CARMIL2: variants seen among roughly 807,000 people sequenced by gnomAD.
CARMIL2 encodes capping protein regulator and myosin 1 linker 2.
A neutral mutation model predicts 173.3 loss-of-function variants in CARMIL2; 96 were observed. That is an observed-to-expected ratio of 0.55 (90% CI 0.47 to 0.66). The LOEUF (loss-of-function observed/expected upper bound fraction) is 0.66, where lower values mean the gene tolerates loss of function less well. CARMIL2 is among the 30% of genes least tolerant of loss of function. The pLI is 0.00. For missense variants in CARMIL2, 1,771 were observed against 1,906.7 expected, an observed-to-expected ratio of 0.93 and a Z score of 1.33; for synonymous variants, 830 against 817.1, an observed-to-expected ratio of 1.02 and a Z score of -0.27.
chr16:67,645,802 C>A, intron 3 of CARMIL2, 25 bp downstream of exon 3: 2 of 1,609,496 alleles, frequency 1.2e-6, no homozygotes, highest in Non-Finnish European at 1.7e-6. Flanking sequence ...CTGGCCACAC[C>A]CCCGCCCGCC....
chr16:67,646,463 G>A lies in CARMIL2; in HGVS notation c.412G>A (p.Ala138Thr). 3.1e-6 allele frequency: 5 copies of A among 1,613,630 alleles called. 1 individual carries two copies. In the East Asian group the frequency reaches 1.1e-4, roughly 36 times the overall value. The change falls in exon 6 of 38, where the codon GCT becomes ACT. Residue 138 changes from alanine (A) to threonine (T), a missense_variant. Coordinates refer to ENST00000334583, the MANE Select transcript of CARMIL2 (RefSeq NM_001013838.3). This position sits in a 1 kb window ranked among gnomAD's most constrained non-coding sequence, Gnocchi z 4.6. ...FRRPTPASML[A>T]RLERSSPSES... is the part of the protein sequence containing the mutation. ...GAGGCCCACACCAGCCTCCATGCTGGCTCGGCTGGAGAGAAGCAGCCCCTC... is the reference window on the plus strand; with the variant it reads ...GAGGCCCACACCAGCCTCCATGCTGACTCGGCTGGAGAGAAGCAGCCCCTC...
At position 67,646,665 on chromosome 16, in the gene CARMIL2, A is replaced by G. The variant is rs770699321; in HGVS notation, c.467-49A>G. The G allele has an allele frequency of 1.9e-6, 3 of 1,599,192 alleles. No individual in the cohort carries two copies. The highest frequency in any genetic ancestry group is 1.3e-5 in the African/African-American group (1 of 74,558). On this transcript the variant is annotated intron_variant, in intron 6 of 37. Transcript: ENST00000334583. This position sits in a 1 kb window ranked among gnomAD's most constrained non-coding sequence, Gnocchi z 4.6. ...TGGGTCTGGTCTTCCTCCATCGCTGATGTTTTGTCTCTCTCCTTTTCCACA... is the reference window on the plus strand; with the variant it reads ...TGGGTCTGGTCTTCCTCCATCGCTGGTGTTTTGTCTCTCTCCTTTTCCACA...
In CARMIL2 at chr16:67,647,000, G is replaced by T. The variant is rs753495789; in HGVS notation, c.611+27G>T. The stretch of plus-strand genomic sequence containing the variant: ...TGTGTGGCCTGCCAGGATGGGAGAG[G>T]AGGAAGATCCCGGGGCCCATATCCC... On this transcript the variant is annotated intron_variant, in intron 8 of 37. Transcript: ENST00000334583. This position sits in a 1 kb window ranked among gnomAD's most constrained non-coding sequence, Gnocchi z 4.6. The T allele has an allele frequency of 6.2e-7, 1 of 1,611,226 alleles. No homozygotes were observed.
chr16:67,650,401 T>G (rs1038057725), intron 22 of CARMIL2: 9 of 551,730 alleles, frequency 1.6e-5, no homozygotes, highest in African/African-American at 1.3e-4. Context: ...TTTTATGTCC[T>G]TCCTCAATTT....
intron 1 of CARMIL2, 31 bp from the exon 2 acceptor site, chr16:67,645,509 T>C: frequency 6.5e-7 from 1 of 1,548,176 alleles, no homozygotes; most frequent in Non-Finnish European, 8.8e-7. Context: ...GTGCAAGGAC[T>C]GAAGTCACCC....
rs1453275313 is a variant in CARMIL2 at position 67,648,686 on chromosome 16, G to T, written c.1441G>T (p.Ala481Ser). Residue 481 changes from alanine (A) to serine (S), a missense_variant and splice_region_variant, in exon 16 of 38, where the codon GCC becomes TCC. Around this residue, in one of 3 missense-constraint regions of CARMIL2, gnomAD observed 944 missense variants for 975.6 expected, o/e 0.97. Coordinates refer to ENST00000334583, the MANE Select transcript of CARMIL2 (RefSeq NM_001013838.3). The surrounding 1 kb of genome is among the most constrained non-coding windows in gnomAD (Gnocchi z 6.1). ...GCKLPPDALR[A>S]LLDGLALNTH... is the part of the protein sequence containing the mutation. ...ACCCCGTGTAACGTCCTCTCCCAGA[G>T]CCCTTTTGGATGGCCTCGCGCTCAA... 7 of 1,605,382 alleles carry T rather than the reference G, an allele frequency of 4.4e-6. No homozygotes were observed. The highest frequency in any genetic ancestry group is 5.1e-6 in the Non-Finnish European group (6 of 1,176,388).
rs867222258 is a variant in CARMIL2, at chr16:67,646,409, C to A, written c.375-17C>A. ...GGCTGGAAGTCCTTTGCCCCCTTCT[C>A]CTTAACCCCCTACCAGGAAGCTATT... On this transcript the variant is annotated splice_polypyrimidine_tract_variant and intron_variant, in intron 5 of 37. Coordinates refer to ENST00000334583, the MANE Select transcript of CARMIL2 (RefSeq NM_001013838.3). This position sits in a 1 kb window ranked among gnomAD's most constrained non-coding sequence, Gnocchi z 4.6. 2.5e-6 allele frequency: 4 copies of A among 1,612,294 alleles called. 1 individual carries two copies. The Middle Eastern group carries it at 5.0e-4, about 200-fold the overall frequency.
At chr16:67,656,322 G>A in intron 34 of CARMIL2, 23 bp downstream of exon 34, 1 of 1,613,682 alleles carries the variant, frequency 6.2e-7, no homozygotes. Flanking sequence ...CACTGTGTGT[G>A]TTGGTAGTGG....
intron 34 of CARMIL2, 30 bp from the exon 35 acceptor site, chr16:67,656,394 A>G (rs2052857019): frequency 3.1e-6 from 5 of 1,609,382 alleles, no homozygotes; most frequent in Non-Finnish European, 4.2e-6. Flanking sequence ...ATGCCTGACC[A>G]GGTCTTGGCT....
In CARMIL2 at chr16:67,651,732, G is replaced by A. The variant is rs2142934600; in HGVS notation, c.2475G>A (p.Gln825=). The A allele has an allele frequency of 6.2e-7, 1 of 1,607,026 alleles. No individual in the cohort carries two copies. Among genetic ancestry groups the A allele is most frequent in the Non-Finnish European group, 8.5e-7 (1 of 1,177,410 alleles). Residue 825 remains glutamine (Q), a synonymous_variant, in exon 25 of 38, where the codon CAG becomes CAA. Transcript: ENST00000334583. The surrounding 1 kb of genome is among the most constrained non-coding windows in gnomAD (Gnocchi z 4.2). ...TLDTARSLCP[Q]MLQGSSWREQ... ...ACACAGCAAGGAGCCTCTGCCCACAGATGCTGCAGGGATCCAGCTGGAGGG... is the reference window on the plus strand; with the variant it reads ...ACACAGCAAGGAGCCTCTGCCCACAAATGCTGCAGGGATCCAGCTGGAGGG...
At position 67,645,169 on chromosome 16, in the gene CARMIL2, C is replaced by A. The variant is rs2052569929; in HGVS notation, c.-78C>A. The A allele has an allele frequency of 8.2e-7, 1 of 1,217,116 alleles. No individual in the cohort carries two copies. Among genetic ancestry groups the A allele is most frequent in the African/African-American group, 1.5e-5 (1 of 66,590 alleles). 75.4% of individuals were successfully genotyped at this position (1,217,116 alleles called of 1,614,324 possible). A position where few individuals can be genotyped will look rare whatever the true frequency, so the allele number is the denominator to read the frequency against. On this transcript the variant is annotated 5_prime_UTR_variant, in exon 1 of 38. Coordinates refer to ENST00000334583, the MANE Select transcript of CARMIL2 (RefSeq NM_001013838.3). The stretch of plus-strand genomic sequence containing the variant: ...AGGTGGCTGCCGTGCGGGTCTGGGC[C>A]CCAGGCTTCCTGTGTGCGCGCTCGT...
rs188030839 is a variant in CARMIL2, at chr16:67,652,026, A to G, written c.2676+18A>G. ...ATCAGCTGGTGAGGGGGAGATGTGC[A>G]CACACTTTCGTGCAAACACACACAT... On this transcript the variant is annotated intron_variant, in intron 26 of 37. Coordinates refer to ENST00000334583, the MANE Select transcript of CARMIL2 (RefSeq NM_001013838.3). The surrounding 1 kb of genome is among the most constrained non-coding windows in gnomAD (Gnocchi z 4.7). The G allele has an allele frequency of 2.2e-5, 36 of 1,612,856 alleles. No homozygotes were observed. In the African/African-American group the frequency reaches 4.1e-4, roughly 19 times the overall value.
At position 67,648,665 on chromosome 16, in the gene CARMIL2, C is replaced by T. The variant is rs756055751; in HGVS notation, c.1440-20C>T. On this transcript the variant is annotated intron_variant, in intron 15 of 37. Coordinates refer to ENST00000334583, the MANE Select transcript of CARMIL2 (RefSeq NM_001013838.3). This position sits in a 1 kb window ranked among gnomAD's most constrained non-coding sequence, Gnocchi z 6.1. ...CCCCCTGTCCCAGCTCCCGCCACCC[C>T]GTGTAACGTCCTCTCCCAGAGCCCT... 6.3e-7 allele frequency: 1 copy of T among 1,595,890 alleles called. No homozygotes were observed. The highest frequency in any genetic ancestry group is 8.5e-7 in the Non-Finnish European group (1 of 1,171,670).
Position 67,645,526 on chromosome 16 carries a change from C to T in CARMIL2, c.41-14C>T. 6.3e-7 allele frequency: 1 copy of T among 1,582,978 alleles called. No individual in the cohort carries two copies. The highest frequency in any genetic ancestry group is 1.3e-5 in the African/African-American group (1 of 74,318). On this transcript the variant is annotated splice_polypyrimidine_tract_variant and intron_variant, in intron 1 of 37. Coordinates refer to ENST00000334583, the MANE Select transcript of CARMIL2 (RefSeq NM_001013838.3). ...GCAAGGACTGAAGTCACCCAGCAGG[C>T]TGCCCTTCCACAGGCGAGATCACCA...
chr16:67,655,849 C>T (rs7200950), intron 32 of CARMIL2, among the ~76,000 whole-genome samples, 182 bp from the exon 33 acceptor site: 20,138 of 152,206 alleles, frequency 0.13, 2,580 homozygotes, highest in African/African-American at 0.34. Context: ...AACATGAAGT[C>T]GGCCTGAATT....
Position 67,650,105 on chromosome 16 carries a change from G to C in CARMIL2, c.2139G>C (p.Thr713=). The part of the protein sequence containing the change: ...NRADPASSDH[T]TRLQPLGLVS... ...CAGACCCTGCCTCTTCTGACCACAC[G>C]ACCCGCCTTCAGCCACTTGGTCTGG... Residue 713 remains threonine, a synonymous_variant, in exon 22 of 38, where the codon ACG becomes ACC. Transcript: ENST00000334583. The C allele has an allele frequency of 1.9e-6, 3 of 1,613,438 alleles. No individual in the cohort carries two copies. Among genetic ancestry groups the C allele is most frequent in the Non-Finnish European group, 2.5e-6 (3 of 1,179,766 alleles).
Position 67,656,888 on chromosome 16 carries a change from G to C in CARMIL2, c.4117+7G>C. ...CAGCTCCAGGCCCCTGCTGGTGAGG[G>C]GAGACACCTCCACGTGTGCTTGAAT... is the stretch of plus-strand genomic sequence containing the variant. On this transcript the variant is annotated splice_region_variant and intron_variant, in intron 36 of 37. Transcript: ENST00000334583. 6.5e-7 allele frequency: 1 copy of C among 1,541,124 alleles called. No individual in the cohort carries two copies.
At position 67,645,213 on chromosome 16, in the gene CARMIL2, G is replaced by C; in HGVS notation, c.-34G>C. 1 of 1,548,626 alleles carries C rather than the reference G, an allele frequency of 6.5e-7. No homozygotes were observed. The highest frequency in any genetic ancestry group is 8.7e-7 in the Non-Finnish European group (1 of 1,144,106). On this transcript the variant is annotated 5_prime_UTR_variant, in exon 1 of 38. Transcript: ENST00000334583. Reference sequence around the variant, plus strand: ...CGCTCGTCCTCTGCTGTTTCCCGCCGGAGCTCGTTGGGCCTCCCCGGCCCG... The same window carrying C: ...CGCTCGTCCTCTGCTGTTTCCCGCCCGAGCTCGTTGGGCCTCCCCGGCCCG...
At position 67,646,197 on chromosome 16, in the gene CARMIL2, G is replaced by A. The variant is rs2142909562; in HGVS notation, c.261G>A (p.Glu87=). 10 of 1,613,824 alleles carry A rather than the reference G, an allele frequency of 6.2e-6. No homozygotes were observed. Among genetic ancestry groups the A allele is most frequent in the Non-Finnish European group, 8.5e-6 (10 of 1,179,872 alleles). ...TGCCCCTTCCCTAGGTCACCTTTGA[G>A]CTGGAGTCCCTGCGTGAGCTGGTCC... The part of the protein sequence containing the change: ...LQETPPQVTF[E]LESLRELVLE... The change falls in exon 5 of 38, where the codon GAG becomes GAA. Residue 87 remains glutamate (E), a synonymous_variant. Coordinates refer to ENST00000334583, the MANE Select transcript of CARMIL2 (RefSeq NM_001013838.3). The surrounding 1 kb of genome is among the most constrained non-coding windows in gnomAD (Gnocchi z 4.6).
Sources: allele counts gnomAD v4.1 joint callset (sites outside exome capture counted in the v4.1 genomes callset), GRCh38; gene constraint gnomAD v4.1.1; regional missense constraint gnomAD v4.1.1; non-coding constraint Gnocchi (gnomAD v3.1); transcripts MANE v1.5; gene names NCBI Gene and HGNC (gene_info 2026-07-23, HGNC 2026-07-21).